The following NR6A1 variants were observed in gnomAD, a reference collection of about 807,000 sequenced individuals.
NR6A1 encodes retinoic acid receptor-related testis-associated receptor.
NR6A1 carries 7 observed loss-of-function variants against 59.1 expected under a neutral mutation model. The ratio of observed to expected loss-of-function variants is 0.12; its 90% CI spans 0.07 to 0.22. NR6A1 has a LOEUF of 0.22. Among genes scored for constraint, NR6A1 ranks in the 10% least tolerant of loss-of-function variants. The pLI, the probability that NR6A1 is intolerant of heterozygous loss-of-function variation, is 1.00. For missense variants in NR6A1, 468 were observed against 611.6 expected (o/e 0.77, Z 2.48); for synonymous variants, 243 against 236.1 (o/e 1.03, Z -0.27).
chr9:124,599,702 G>T, intron 2 of NR6A1: 1 of 585,956 alleles, frequency 1.7e-6, no homozygotes, highest in Non-Finnish European at 2.4e-6. Flanking sequence ...ATGAATGGCA[G>T]AACCTTAGTT....
At chr9:124,695,047 GTAAA>G (rs1382441650) in intron 2 of NR6A1, among the ~76,000 whole-genome samples, 1 of 152,184 alleles carries the variant, frequency 6.6e-6, no homozygotes, top group Non-Finnish European at 1.5e-5. Context: ...TGGAAGCAAA[GTAAA>G]TAAAGTTCAC....
At chr9:124,557,051 T>G (rs1010699613) in intron 2 of NR6A1, among the ~76,000 whole-genome samples, 1 of 152,160 alleles carries the variant, frequency 6.6e-6, no homozygotes, top group African/African-American at 2.4e-5. Context: ...GTTACAGACT[T>G]TTCTAAGGCT....
chr9:124,680,564 T>G (rs1367010570), intron 2 of NR6A1, among the ~76,000 whole-genome samples: 1 of 152,186 alleles, frequency 6.6e-6, no homozygotes. Flanking sequence ...CAACCTTTAT[T>G]GAGCTCCACT....
At chr9:124,643,774 AAGAG>A (rs1000000745) in intron 2 of NR6A1, among the ~76,000 whole-genome samples, 9 of 147,536 alleles carry the variant, frequency 6.1e-5, no homozygotes, top group Non-Finnish European at 1.0e-4. Flanking sequence ...AAAAAAAAAA[AAGAG>A]AGAGAGAGAG....
In NR6A1 at chr9:124,750,755, G is replaced by A. The variant is rs557505132; in HGVS notation, c.101-17406C>T. Among the ~76,000 whole-genome samples the A allele has an allele frequency of 6.3e-4, 96 of 151,664 alleles. 1 individual carries two copies. In the South Asian group the frequency reaches 0.018, roughly 29 times the overall value. On this transcript the variant is annotated intron_variant, in intron 1 of 9. Coordinates refer to ENST00000487099, the MANE Select transcript of NR6A1 (RefSeq NM_033334.4). ...AGCCTGGGTGACAGAGCGAAACTCC[G>A]TCTCAAAAAAATAAATAAATAAATA...
At chr9:124,612,801 CTTTCTTTCTTTCTTTCT>C (rs545377737) in intron 2 of NR6A1, among the ~76,000 whole-genome samples, 4 of 144,896 alleles carry the variant, frequency 2.8e-5, no homozygotes, top group South Asian at 2.2e-4. Flanking sequence ...TCTTTTCTTT[CTTTCTTTCTTTCTTTCT>C]TTTCTTTCTT....
At chr9:124,605,245 A>G (rs780912900) in intron 2 of NR6A1, among the ~76,000 whole-genome samples, 7 of 152,246 alleles carry the variant, frequency 4.6e-5, no homozygotes, top group Middle Eastern at 3.2e-3. Flanking sequence ...TGGTAAATTC[A>G]GCAAGACAAA....
chr9:124,535,349 G>C (rs1029548656), intron 7 of NR6A1, among the ~76,000 whole-genome samples: 3 of 152,092 alleles, frequency 2.0e-5, no homozygotes, highest in Admixed American at 6.5e-5. Flanking sequence ...AGGCTGAGAC[G>C]GGTAGATCAC....
intron 2 of NR6A1, among the ~76,000 whole-genome samples, chr9:124,562,086 C>T (rs1317995660): frequency 6.6e-6 from 1 of 152,150 alleles, no homozygotes; most frequent in Non-Finnish European, 1.5e-5. Context: ...AAACAATTGG[C>T]ATATAAAGTC....
At chr9:124,726,929 G>C (rs1839738909) in intron 2 of NR6A1, among the ~76,000 whole-genome samples, 1 of 152,170 alleles carries the variant, frequency 6.6e-6, no homozygotes, top group Non-Finnish European at 1.5e-5. Flanking sequence ...GGAAATAATA[G>C]AACTAGGGGA....
At chr9:124,652,560 T>C (rs1273776051) in intron 2 of NR6A1, among the ~76,000 whole-genome samples, 2 of 152,204 alleles carry the variant, frequency 1.3e-5, no homozygotes, top group African/African-American at 4.8e-5. Flanking sequence ...ATTAATTTCC[T>C]TCCTTTCCCT....
chr9:124,518,240 G>A lies in NR6A1; in HGVS notation c.*4465C>T, dbSNP rs1159174365. The A allele has an allele frequency of 6.7e-6, 1 of 149,168 alleles. No homozygotes were observed. The highest frequency in any genetic ancestry group is 1.5e-5 in the Non-Finnish European group (1 of 67,564). The allele number at this position is 149,168 out of a possible 1,614,324, so 9.2% of individuals were successfully genotyped here. On this transcript the variant is annotated 3_prime_UTR_variant, in exon 10 of 10. Coordinates refer to ENST00000487099, the MANE Select transcript of NR6A1 (RefSeq NM_033334.4). ...CTAGATGGGAACTGGGCTAGACAGA[G>A]GGACCAGGCTTCTATGAGCGGGGAG...
At chr9:124,532,587 T>C (rs1024679574) in intron 7 of NR6A1, among the ~76,000 whole-genome samples, 1 of 152,212 alleles carries the variant, frequency 6.6e-6, no homozygotes, top group Non-Finnish European at 1.5e-5. Context: ...TAAATGGCCA[T>C]GGAATCAGAA....
At position 124,546,723 on chromosome 9, in the gene NR6A1, C is replaced by G. The variant is rs527250009; in HGVS notation, c.386-2866G>C. ...GAGATGATAAAATCGGTCAAGATGC[C>G]ATGAAACCACCTGAAGTGTGGAAAT... is the stretch of plus-strand genomic sequence containing the variant. On this transcript the variant is annotated intron_variant, in intron 3 of 9. Coordinates refer to ENST00000487099, the MANE Select transcript of NR6A1 (RefSeq NM_033334.4). Among the ~76,000 whole-genome samples, 175 of 152,278 alleles carry G rather than the reference C, an allele frequency of 1.1e-3. 1 individual carries two copies. Among genetic ancestry groups the G allele is most frequent in the African/African-American group, 3.9e-3 (160 of 41,552 alleles).
chr9:124,771,082 C>A lies in NR6A1; in HGVS notation c.38G>T (p.Gly13Val). 5 of 1,230,394 alleles carry A rather than the reference C, an allele frequency of 4.1e-6. No homozygotes were observed. Among genetic ancestry groups the A allele is most frequent in the Non-Finnish European group, 5.1e-6 (5 of 986,954 alleles). 76.2% of individuals were successfully genotyped at this position (1,230,394 alleles called of 1,614,324 possible). The part of the protein sequence containing the change: ...RDEPPPSGGG[G>V]GGGSAGFLEP... ...CAGGAACCCCGCCGAGCCCCCGCCGCCTCCCCCTCCGCTAGGCGGCGGTTC... is the reference window on the plus strand; with the variant it reads ...CAGGAACCCCGCCGAGCCCCCGCCGACTCCCCCTCCGCTAGGCGGCGGTTC... Residue 13 changes from glycine to valine, a missense_variant, in exon 1 of 10, where the codon GGC becomes GTC. Gly to Val is a moderately radical substitution (Grantham distance 109, BLOSUM62 -3). Around this residue, in one of 4 missense-constraint regions of NR6A1, gnomAD observed 75 missense variants for 65.6 expected, o/e 1.14. Transcript: ENST00000487099.
At chr9:124,690,176 C>A (rs1004290872) in intron 2 of NR6A1, among the ~76,000 whole-genome samples, 1 of 152,194 alleles carries the variant, frequency 6.6e-6, no homozygotes, top group Non-Finnish European at 1.5e-5. Context: ...CAGACGGCAC[C>A]TGAGACGATG....
intron 7 of NR6A1, among the ~76,000 whole-genome samples, chr9:124,527,797 C>T (rs1420661472): frequency 2.0e-5 from 3 of 152,158 alleles, no homozygotes; most frequent in Non-Finnish European, 2.9e-5. Flanking sequence ...TTTTAGGCAA[C>T]GGAGCCCCAG....
intron 2 of NR6A1, among the ~76,000 whole-genome samples, chr9:124,669,198 G>A (rs552941552): frequency 2.6e-5 from 4 of 152,206 alleles, no homozygotes; most frequent in East Asian, 1.9e-4. Flanking sequence ...AACTGACATC[G>A]AAAACACTGT....
intron 9 of NR6A1, among the ~76,000 whole-genome samples, chr9:124,524,250 C>T (rs1362019512): frequency 3.3e-5 from 5 of 152,142 alleles, no homozygotes; most frequent in South Asian, 2.1e-4. Context: ...AGCCACTGTG[C>T]CCAGCTAAAG....
Sources: gnomAD v4.1 joint callset for allele counts (sites outside exome capture counted in the v4.1 genomes callset) on GRCh38, gnomAD v4.1.1 for gene constraint, gnomAD v4.1.1 regional missense constraint, MANE v1.5 for transcripts, NCBI Gene and HGNC (gene_info 2026-07-23, HGNC 2026-07-21) for gene names.